Variants in GLRA3 observed in about 807,000 individuals in gnomAD.
The protein encoded by GLRA3 is glycine receptor subunit alpha-3.
GLRA3 carries 44 observed loss-of-function variants against 60.4 expected under a neutral mutation model. The observed-to-expected ratio is 0.73, with a 90% CI of 0.57 to 0.94. The LOEUF (loss-of-function observed/expected upper bound fraction) is 0.94, where lower values mean the gene tolerates loss of function less well. Among genes scored for constraint, GLRA3 ranks in the 40% least tolerant of loss-of-function variants. The probability of loss-of-function intolerance (pLI) is 0.00; values close to 1 mark genes in which losing one functional copy is unlikely to be tolerated. For synonymous variants in GLRA3, 223 were observed against 192.9 expected, an observed-to-expected ratio of 1.16 and a Z score of -1.29; for missense variants, 508 against 564.6, an observed-to-expected ratio of 0.90 and a Z score of 1.02.
intron 1 of GLRA3, among the ~76,000 whole-genome samples, chr4:174,817,750 G>A (rs181157800): frequency 1.2e-4 from 18 of 152,106 alleles, no homozygotes; most frequent in Non-Finnish European, 4.4e-5. Context: ...GGGATTAAAG[G>A]TGTGCACCAC....
At chr4:174,792,717 A>T (rs1459622472) in intron 1 of GLRA3, among the ~76,000 whole-genome samples, 5 of 152,214 alleles carry the variant, frequency 3.3e-5, no homozygotes, top group African/African-American at 1.2e-4. Context: ...TTTTAAACAA[A>T]CTTCTTCAGG....
Position 174,788,806 on chromosome 4 carries a change from GA to G in GLRA3, c.199+9del. ...AAACACACATATAAAGTAGCAAACA[GA>G]ACAATTACCTTTAAAATTGGGTCTG... On this transcript the variant is annotated intron_variant, in intron 2 of 9. Coordinates refer to ENST00000274093, the MANE Select transcript of GLRA3 (RefSeq NM_006529.4). 1 of 1,585,056 alleles carries G rather than the reference GA, an allele frequency of 6.3e-7. No individual in the cohort carries two copies. Among genetic ancestry groups the G allele is most frequent in the Non-Finnish European group, 8.6e-7 (1 of 1,162,082 alleles).
At chr4:174,707,763 T>A (rs1291345794) in intron 5 of GLRA3, among the ~76,000 whole-genome samples, 1 of 152,216 alleles carries the variant, frequency 6.6e-6, no homozygotes, top group Non-Finnish European at 1.5e-5. Flanking sequence ...GAAAAGTTTG[T>A]GAGCTATTAA....
At chr4:174,720,266 C>G (rs1461631154) in intron 4 of GLRA3, among the ~76,000 whole-genome samples, 1 of 152,068 alleles carries the variant, frequency 6.6e-6, no homozygotes, top group African/African-American at 2.4e-5. Flanking sequence ...AAAACTGAGG[C>G]TGAGACATCT....
rs1340014190 is a variant in GLRA3, at chr4:174,641,208, T to C, written c.*2578A>G. 6.6e-6 allele frequency: 1 copy of C among 152,142 alleles called. No individual in the cohort carries two copies. The highest frequency in any genetic ancestry group is 1.5e-5 in the Non-Finnish European group (1 of 67,964). The allele number at this position is 152,142 out of a possible 1,614,324, so 9.4% of individuals were successfully genotyped here. A position where few individuals can be genotyped will look rare whatever the true frequency, so the allele number is the denominator to read the frequency against. Reference sequence around the variant, plus strand: ...TTTAAAATACTTCAGAATATGCACATTGGAATTCCAATTTGTGTGTTTAGT... The same window carrying C: ...TTTAAAATACTTCAGAATATGCACACTGGAATTCCAATTTGTGTGTTTAGT... On this transcript the variant is annotated 3_prime_UTR_variant, in exon 10 of 10. Transcript: ENST00000274093.
intron 1 of GLRA3, among the ~76,000 whole-genome samples, chr4:174,813,505 C>T (rs1298819147): frequency 6.6e-6 from 1 of 152,196 alleles, no homozygotes; most frequent in Non-Finnish European, 1.5e-5. Flanking sequence ...ACAGACTTGG[C>T]TCTATTCTGT....
chr4:174,792,045 C>T (rs1739365172), intron 1 of GLRA3, among the ~76,000 whole-genome samples: 1 of 152,114 alleles, frequency 6.6e-6, no homozygotes, highest in South Asian at 2.1e-4. Context: ...TGGGGTCATA[C>T]CTTCAACACT....
intron 7 of GLRA3, among the ~76,000 whole-genome samples, chr4:174,660,141 A>C (rs1284844455): frequency 6.6e-6 from 1 of 152,126 alleles, no homozygotes; most frequent in Non-Finnish European, 1.5e-5. Flanking sequence ...CAACAAAATC[A>C]AAAATTTGAC....
rs201620617 is a variant in GLRA3, at chr4:174,677,269, G to T, written c.736C>A (p.Arg246=). The T allele has an allele frequency of 1.7e-5, 28 of 1,607,538 alleles. No homozygotes were observed. Among genetic ancestry groups the T allele is most frequent in the Non-Finnish European group, 2.4e-5 (28 of 1,174,670 alleles). Residue 246 remains arginine, a synonymous_variant, in exon 7 of 10, where the codon CGA becomes AGA. Coordinates refer to ENST00000274093, the MANE Select transcript of GLRA3 (RefSeq NM_006529.4). ...NTGKFTCIEV[R]FHLERQMGYY... ...CCCATTTGTCGCTCCAGATGGAATC[G>T]CACTTCTATACACGTAAACTTTCCT...
intron 2 of GLRA3, among the ~76,000 whole-genome samples, chr4:174,782,982 T>C (rs1161383934): frequency 2.0e-5 from 3 of 152,070 alleles, no homozygotes; most frequent in Non-Finnish European, 4.4e-5. Context: ...AAAGTTCACA[T>C]GGAACCAAAA....
intron 4 of GLRA3, 124 bp downstream of exon 4, chr4:174,728,351 G>A (rs1554016307): frequency 1.2e-5 from 7 of 601,676 alleles, no homozygotes; most frequent in Non-Finnish European, 2.1e-5. Flanking sequence ...TCTATTAGAG[G>A]AACTGAAGTG....
At chr4:174,807,204 A>T (rs1422757331) in intron 1 of GLRA3, among the ~76,000 whole-genome samples, 4 of 152,044 alleles carry the variant, frequency 2.6e-5, no homozygotes, top group Non-Finnish European at 5.9e-5. Context: ...GGAAAATAAT[A>T]ACATAAACTT....
chr4:174,721,007 TTG>T (rs10639932), intron 4 of GLRA3, among the ~76,000 whole-genome samples: 28,460 of 141,346 alleles, frequency 0.2, 2,779 homozygotes, highest in African/African-American at 0.26. Flanking sequence ...TGTGTGAACT[TTG>T]TGTGTGTGTG....
intron 4 of GLRA3, among the ~76,000 whole-genome samples, chr4:174,721,511 C>T (rs1385843129): frequency 6.6e-6 from 1 of 151,068 alleles, no homozygotes; most frequent in African/African-American, 2.4e-5. Context: ...AATTATGTTA[C>T]AAATTTCATA....
intron 9 of GLRA3, among the ~76,000 whole-genome samples, chr4:174,645,758 G>C (rs987172260): frequency 6.6e-6 from 1 of 152,082 alleles, no homozygotes; most frequent in African/African-American, 2.4e-5. Flanking sequence ...ATTGAAAATC[G>C]ATTTTCCACT....
intron 2 of GLRA3, among the ~76,000 whole-genome samples, chr4:174,788,185 G>C (rs1316862620): frequency 2.0e-5 from 3 of 152,000 alleles, no homozygotes; most frequent in African/African-American, 7.2e-5. Flanking sequence ...AGGATATATT[G>C]TGGTTCTGGA....
chr4:174,779,255 TG>T (rs1375117744), intron 2 of GLRA3, among the ~76,000 whole-genome samples: 1 of 152,168 alleles, frequency 6.6e-6, no homozygotes, highest in African/African-American at 2.4e-5. Context: ...CTGAGGGTCC[TG>T]TCTGTTAGAA....
intron 2 of GLRA3, among the ~76,000 whole-genome samples, chr4:174,770,184 TA>T (rs1738322237): frequency 6.6e-6 from 1 of 152,088 alleles, no homozygotes; most frequent in African/African-American, 2.4e-5. Context: ...TAAAATTATT[TA>T]AAAATAAAGT....
At chr4:174,824,607 C>A (rs1281797743) in intron 1 of GLRA3, among the ~76,000 whole-genome samples, 1 of 152,140 alleles carries the variant, frequency 6.6e-6, no homozygotes, top group African/African-American at 2.4e-5. Flanking sequence ...AATTCTTCAA[C>A]TGAATTTGAC....
Sources: gnomAD v4.1 joint callset for allele counts (sites outside exome capture counted in the v4.1 genomes callset) on GRCh38, gnomAD v4.1.1 for gene constraint, MANE v1.5 for transcripts, NCBI Gene and HGNC (gene_info 2026-07-23, HGNC 2026-07-21) for gene names.